BBS9: variants seen among roughly 807,000 people sequenced by gnomAD.
BBS9 encodes the protein Bardet-Biedl syndrome 9, also known as protein PTHB1.
In BBS9, 89 loss-of-function variants were observed where a neutral mutation model predicts 117.7. The observed-to-expected ratio is 0.76, with a 90% CI of 0.64 to 0.90. The LOEUF (loss-of-function observed/expected upper bound fraction) is 0.90, where lower values mean the gene tolerates loss of function less well. Among genes scored for constraint, BBS9 ranks in the 40% least tolerant of loss-of-function variants. The pLI, the probability that BBS9 is intolerant of heterozygous loss-of-function variation, is 0.00. For synonymous variants in BBS9, 379 were observed against 370.9 expected (o/e 1.02, Z -0.25); for missense variants, 982 against 1,042.2 (o/e 0.94, Z 0.80).
chr7:33,348,743 T>A (rs1004144683), intron 12 of BBS9, among the ~76,000 whole-genome samples: 1 of 152,188 alleles, frequency 6.6e-6, no homozygotes, highest in Non-Finnish European at 1.5e-5. Context: ...GTCCTTTCGA[T>A]TATAGCCATT....
At chr7:33,216,283 C>T (rs773325359) in intron 5 of BBS9, among the ~76,000 whole-genome samples, 1 of 152,160 alleles carries the variant, frequency 6.6e-6, no homozygotes, top group Admixed American at 6.5e-5. Flanking sequence ...TAGAATGGTT[C>T]TTCCATTAGT....
At chr7:33,590,461 T>TTTTTTGTTTTTTTTG (rs773785030) in intron 21 of BBS9, among the ~76,000 whole-genome samples, 1 of 109,516 alleles carries the variant, frequency 9.1e-6, no homozygotes, top group African/African-American at 3.5e-5. Context: ...GTTTTTTTGT[T>TTTTTTGTTTTTTTTG]TTTTTTTTTT....
At chr7:33,408,803 G>C (rs1830571903) in intron 19 of BBS9, among the ~76,000 whole-genome samples, 1 of 152,190 alleles carries the variant, frequency 6.6e-6, no homozygotes, top group African/African-American at 2.4e-5. Flanking sequence ...CCCCACAGTG[G>C]ATGAACTAAT....
intron 21 of BBS9, among the ~76,000 whole-genome samples, chr7:33,582,387 G>C (rs779693640): frequency 6.6e-6 from 1 of 152,020 alleles, no homozygotes; most frequent in East Asian, 1.9e-4. Context: ...GGCTGGGAAG[G>C]GGCTAAGTGA....
intron 21 of BBS9, among the ~76,000 whole-genome samples, chr7:33,567,206 A>G (rs2129130369): frequency 6.6e-6 from 1 of 152,318 alleles, no homozygotes; most frequent in Non-Finnish European, 1.5e-5. Flanking sequence ...ATCTGATGAT[A>G]CAGTGCTCTT....
At chr7:33,216,862 G>A (rs1423608604) in intron 5 of BBS9, among the ~76,000 whole-genome samples, 2 of 152,160 alleles carry the variant, frequency 1.3e-5, no homozygotes, top group African/African-American at 2.4e-5. Context: ...TTGGGAGGCC[G>A]AGGCGGGTGG....
At chr7:33,546,869 G>A (rs1045365517) in intron 21 of BBS9, among the ~76,000 whole-genome samples, 1 of 152,160 alleles carries the variant, frequency 6.6e-6, no homozygotes, top group Non-Finnish European at 1.5e-5. Context: ...GTGTTATAGA[G>A]TACAATCATT....
intron 19 of BBS9, among the ~76,000 whole-genome samples, chr7:33,494,414 A>G (rs1342000734): frequency 2.0e-5 from 3 of 152,212 alleles, no homozygotes; most frequent in Non-Finnish European, 4.4e-5. Context: ...TAAATTACAG[A>G]CTTCATAACA....
At chr7:33,161,314 C>T (rs1400406075) in intron 4 of BBS9, among the ~76,000 whole-genome samples, 1 of 152,098 alleles carries the variant, frequency 6.6e-6, no homozygotes, top group African/African-American at 2.4e-5. Flanking sequence ...TGTTCCCCAC[C>T]CTGTGTCCAA....
chr7:33,326,262 A>C (rs903743499), intron 9 of BBS9, among the ~76,000 whole-genome samples: 5 of 146,848 alleles, frequency 3.4e-5, no homozygotes, highest in African/African-American at 1.3e-4. Flanking sequence ...TCTCCCTTGA[A>C]TCTCTCCCTA....
intron 19 of BBS9, among the ~76,000 whole-genome samples, chr7:33,420,923 A>T (rs913616577): frequency 1.3e-5 from 2 of 152,212 alleles, no homozygotes; most frequent in African/African-American, 4.8e-5. Flanking sequence ...TGTTGAAACA[A>T]GCCGGCCACT....
chr7:33,486,301 T>C (rs548797730), intron 19 of BBS9, among the ~76,000 whole-genome samples: 1 of 152,290 alleles, frequency 6.6e-6, no homozygotes, highest in South Asian at 2.1e-4. Flanking sequence ...CTGATGGATG[T>C]GTGGGTCAGG....
At chr7:33,537,483 C>T (rs531797372) in intron 21 of BBS9, among the ~76,000 whole-genome samples, 1 of 152,300 alleles carries the variant, frequency 6.6e-6, no homozygotes, top group East Asian at 1.9e-4. Context: ...ATTTATTTCT[C>T]TCATCTGTAG....
At chr7:33,463,537 T>C (rs927946764) in intron 19 of BBS9, among the ~76,000 whole-genome samples, 1 of 152,138 alleles carries the variant, frequency 6.6e-6, no homozygotes, top group Non-Finnish European at 1.5e-5. Context: ...GTTTATACAG[T>C]ATCTCTGTGA....
intron 5 of BBS9, among the ~76,000 whole-genome samples, chr7:33,227,161 C>A (rs1331170876): frequency 6.8e-6 from 1 of 146,152 alleles, no homozygotes; most frequent in Non-Finnish European, 1.5e-5. Context: ...TTACAGCCAT[C>A]AATTTTTTTT....
chr7:33,262,915 A>G (rs1469310720), intron 6 of BBS9, among the ~76,000 whole-genome samples: 1 of 152,032 alleles, frequency 6.6e-6, no homozygotes, highest in Non-Finnish European at 1.5e-5. Context: ...CTACGTGCAT[A>G]CCTTCTGTTA....
intron 19 of BBS9, among the ~76,000 whole-genome samples, chr7:33,405,315 T>G (rs1204971341): frequency 6.6e-6 from 1 of 152,108 alleles, no homozygotes; most frequent in Non-Finnish European, 1.5e-5. Context: ...CTTTTTTGGT[T>G]GTGTCTCTGC....
intron 21 of BBS9, among the ~76,000 whole-genome samples, chr7:33,542,016 A>T (rs1852391416): frequency 6.6e-6 from 1 of 152,196 alleles, no homozygotes; most frequent in Non-Finnish European, 1.5e-5. Context: ...ATTCAGGTGA[A>T]CTAAAAGAAG....
exon 22 of BBS9, among the ~76,000 whole-genome samples, chr7:33,635,555 T>C (rs1333750820): frequency 6.6e-6 from 1 of 152,206 alleles, no homozygotes; most frequent in Non-Finnish European, 1.5e-5. Flanking sequence ...AACCCCGCCT[T>C]GTTTTGCTTT....
Sources: allele counts gnomAD v4.1 joint callset (sites outside exome capture counted in the v4.1 genomes callset), GRCh38; gene constraint gnomAD v4.1.1; transcripts MANE v1.5; gene names NCBI Gene and HGNC (gene_info 2026-07-23, HGNC 2026-07-21).